The following GNA14 variants were observed in gnomAD, a reference collection of about 807,000 sequenced individuals.
GNA14 encodes G protein subunit alpha 14.
A neutral mutation model predicts 42.0 loss-of-function variants in GNA14; 50 were observed. That is an observed-to-expected ratio of 1.19 (90% CI 0.95 to 1.51). The LOEUF (loss-of-function observed/expected upper bound fraction) is 1.51, where lower values mean the gene tolerates loss of function less well. Ranked by LOEUF, GNA14 falls within the 40% of genes most tolerant of loss-of-function variation. The probability of loss-of-function intolerance (pLI) is 0.00; values close to 1 mark genes in which losing one functional copy is unlikely to be tolerated. For missense variants in GNA14, 473 were observed against 446.2 expected (o/e 1.06, Z -0.54); for synonymous variants, 173 against 163.1 (o/e 1.06, Z -0.46).
intron 2 of GNA14, among the ~76,000 whole-genome samples, chr9:77,514,106 C>T (rs1241253913): frequency 6.6e-6 from 1 of 152,128 alleles, no homozygotes; most frequent in East Asian, 1.9e-4. Context: ...CCCAAGCTTC[C>T]CAAACTAAGT....
intron 2 of GNA14, among the ~76,000 whole-genome samples, chr9:77,447,523 G>A (rs745724288): frequency 2.0e-5 from 3 of 152,094 alleles, no homozygotes; most frequent in Non-Finnish European, 2.9e-5. Flanking sequence ...GCCCAGACAT[G>A]GTATTATTAG....
At chr9:77,445,130 G>A (rs1433480955) in intron 2 of GNA14, among the ~76,000 whole-genome samples, 1 of 152,240 alleles carries the variant, frequency 6.6e-6, no homozygotes, top group East Asian at 1.9e-4. Flanking sequence ...GGCGGGGAAG[G>A]AGAAGGGGCT....
Position 77,428,072 on chromosome 9 carries a change from TTTTTTTTTTTC to T in GNA14, c.723+824_723+834del, listed in dbSNP as rs1334235610. Among the ~76,000 whole-genome samples, 6 of 133,710 alleles carry T rather than the reference TTTTTTTTTTTC, an allele frequency of 4.5e-5. 1 individual carries two copies. The highest frequency in any genetic ancestry group is 9.3e-5 in the Non-Finnish European group (6 of 64,340). The allele number at this position is 133,710 out of a possible 152,430, so 87.7% of individuals were successfully genotyped here. A position where few individuals can be genotyped will look rare whatever the true frequency, so the allele number is the denominator to read the frequency against. ...TCAGTCCAAGAGATGGCATTTTTTC[TTTTTTTTTTTC>T]TTTTTTTTTTTTTGAGATGGAGTCT... is the stretch of plus-strand genomic sequence containing the variant. On this transcript the variant is annotated intron_variant, in intron 5 of 6. Transcript: ENST00000341700.
intron 1 of GNA14, among the ~76,000 whole-genome samples, chr9:77,605,726 T>C (rs1257916368): frequency 3.3e-5 from 5 of 152,242 alleles, no homozygotes; most frequent in African/African-American, 9.6e-5. Flanking sequence ...ACCAGTATTA[T>C]AGGCCAGAAA....
intron 1 of GNA14, among the ~76,000 whole-genome samples, chr9:77,545,358 C>T (rs978624179): frequency 2.6e-5 from 4 of 152,138 alleles, no homozygotes; most frequent in Non-Finnish European, 5.9e-5. Context: ...AATGCACTAC[C>T]GTTCACCTTG....
At chr9:77,583,604 C>T (rs1056376802) in intron 1 of GNA14, among the ~76,000 whole-genome samples, 5 of 152,214 alleles carry the variant, frequency 3.3e-5, no homozygotes, top group African/African-American at 1.2e-4. Flanking sequence ...ACTGAACAGC[C>T]TAACTCCTGT....
At chr9:77,545,442 T>C (rs1244392379) in intron 1 of GNA14, among the ~76,000 whole-genome samples, 1 of 152,218 alleles carries the variant, frequency 6.6e-6, no homozygotes, top group Middle Eastern at 3.2e-3. Flanking sequence ...TGGAAATATA[T>C]ATGCAAATAG....
chr9:77,577,583 G>A (rs1427929713), intron 1 of GNA14, among the ~76,000 whole-genome samples: 4 of 152,140 alleles, frequency 2.6e-5, no homozygotes, highest in Non-Finnish European at 5.9e-5. Context: ...TCACCAAAGA[G>A]ACTTTCAAGA....
chr9:77,559,943 C>A (rs1249228033), intron 1 of GNA14, among the ~76,000 whole-genome samples: 1 of 152,124 alleles, frequency 6.6e-6, no homozygotes, highest in Non-Finnish European at 1.5e-5. Context: ...CGACATACAC[C>A]ATTGGCTTTA....
intron 2 of GNA14, among the ~76,000 whole-genome samples, chr9:77,500,152 A>T (rs933785929): frequency 4.0e-5 from 6 of 151,656 alleles, no homozygotes; most frequent in African/African-American, 1.5e-4. Flanking sequence ...CCTCCCAAGT[A>T]GCTGGGATTA....
At chr9:77,498,909 G>A (rs561545669) in intron 2 of GNA14, among the ~76,000 whole-genome samples, 19 of 152,226 alleles carry the variant, frequency 1.2e-4, no homozygotes, top group Admixed American at 1.1e-3. Context: ...TTCTATAAAG[G>A]TTCCTGGGCA....
At chr9:77,609,467 A>C (rs1823695157) in intron 1 of GNA14, among the ~76,000 whole-genome samples, 1 of 151,584 alleles carries the variant, frequency 6.6e-6, no homozygotes, top group Admixed American at 6.6e-5. Flanking sequence ...ACACCTCAAA[A>C]CTCTTCCATG....
chr9:77,441,501 G>A (rs905243459), intron 2 of GNA14, among the ~76,000 whole-genome samples: 5 of 152,072 alleles, frequency 3.3e-5, no homozygotes, highest in Admixed American at 6.6e-5. Flanking sequence ...ATGTGAGAAC[G>A]GACTAATACA....
intron 1 of GNA14, among the ~76,000 whole-genome samples, chr9:77,619,258 G>A (rs1823884156): frequency 6.6e-6 from 1 of 152,158 alleles, no homozygotes; most frequent in Non-Finnish European, 1.5e-5. Context: ...CCAGGCTGGA[G>A]TGCAATGGAG....
intron 4 of GNA14, among the ~76,000 whole-genome samples, chr9:77,431,024 TTGTGTGTGTGTGTGTG>T (rs10631280): frequency 3.0e-5 from 3 of 101,466 alleles, no homozygotes; most frequent in East Asian, 2.5e-4. Context: ...AAGTATACAT[TTGTGTGTGTGTGTGTG>T]TGTGTGTGTG....
At chr9:77,535,605 T>G (rs1837586020) in intron 1 of GNA14, among the ~76,000 whole-genome samples, 1 of 152,180 alleles carries the variant, frequency 6.6e-6, no homozygotes, top group African/African-American at 2.4e-5. Flanking sequence ...CAGCTAATGC[T>G]GAGAGAAATT....
intron 1 of GNA14, among the ~76,000 whole-genome samples, chr9:77,585,857 T>A (rs1010021936): frequency 6.6e-6 from 1 of 152,032 alleles, no homozygotes; most frequent in Non-Finnish European, 1.5e-5. Context: ...CTGCGGGAGG[T>A]TTTTAGACCT....
chr9:77,644,437 CAAAAAAAAAAAAAAAA>C (rs764737417), intron 1 of GNA14, among the ~76,000 whole-genome samples: 1 of 34,012 alleles, frequency 2.9e-5, no homozygotes, highest in African/African-American at 1.2e-4. Flanking sequence ...TAAAGAGTGT[CAAAAAAAAAAAAAAAA>C]AAAAAAAAAA....
Position 77,432,651 on chromosome 9 carries a change from C to T in GNA14, c.465-1202G>A, listed in dbSNP as rs533272764. On this transcript the variant is annotated intron_variant, in intron 3 of 6. Transcript: ENST00000341700. The stretch of plus-strand genomic sequence containing the variant: ...CCTGCCGGTTTGGAAGGTTGGGCGA[C>T]TGGGTTTAGGAGAGGCTGTTTTCTC... Among the ~76,000 whole-genome samples, 155 of 152,318 alleles carry T rather than the reference C, an allele frequency of 1.0e-3. No homozygotes were observed. The Middle Eastern group carries it at 0.02, about 20-fold the overall frequency.
Sources: gnomAD v4.1 joint callset for allele counts (sites outside exome capture counted in the v4.1 genomes callset) on GRCh38, gnomAD v4.1.1 for gene constraint, MANE v1.5 for transcripts, NCBI Gene and HGNC (gene_info 2026-07-23, HGNC 2026-07-21) for gene names.